Variants in COG6 observed in about 807,000 individuals in gnomAD.
COG6 encodes component of oligomeric golgi complex 6, also known as conserved oligomeric Golgi complex subunit 6.
In COG6, 74 loss-of-function variants were observed where a neutral mutation model predicts 88.8. The ratio of observed to expected loss-of-function variants is 0.83; its 90% CI spans 0.69 to 1.01. The LOEUF is 1.01. Among genes scored for constraint, COG6 ranks in the 50% least tolerant of loss-of-function variants. The pLI, the probability that COG6 is intolerant of heterozygous loss-of-function variation, is 0.00. For missense variants in COG6, 800 were observed against 797.9 expected, an observed-to-expected ratio of 1.00 and a Z score of -0.03; for synonymous variants, 286 against 278.7, an observed-to-expected ratio of 1.03 and a Z score of -0.26.
intron 18 of COG6, among the ~76,000 whole-genome samples, chr13:39,785,879 G>A (rs1377778814): frequency 6.6e-6 from 1 of 152,122 alleles, no homozygotes; most frequent in African/African-American, 2.4e-5. Context: ...TTGGAGGATG[G>A]AGGATTTTCC....
intron 13 of COG6, among the ~76,000 whole-genome samples, chr13:39,717,805 T>C (rs899845584): frequency 1.3e-5 from 2 of 152,126 alleles, no homozygotes; most frequent in Non-Finnish European, 2.9e-5. Context: ...TGCAGTGAGC[T>C]GTGATTGCAC....
In COG6 at chr13:39,751,890, TG is replaced by T. The variant is rs1212842171; in HGVS notation, c.*800del. 1 of 1,280,372 alleles carries T rather than the reference TG, an allele frequency of 7.8e-7. No individual in the cohort carries two copies. Among genetic ancestry groups the T allele is most frequent in the Admixed American group, 2.3e-5 (1 of 43,522 alleles). The allele number at this position is 1,280,372 out of a possible 1,614,324, so 79.3% of individuals were successfully genotyped here. ...TGTGTCTAAGCCTGGTGTTTAAAGA[TG>T]GGTATTTGTCATACAATATGGGTCC... On this transcript the variant is annotated 3_prime_UTR_variant, in exon 19 of 19. Transcript: ENST00000455146.
chr13:39,751,612 A>G lies in COG6; in HGVS notation c.*519A>G. ...TGCCCTTAAAGAGTTGTTAGCAGAG[A>G]GAAAAATAACAGTGAATGTGCTCCT... On this transcript the variant is annotated 3_prime_UTR_variant, in exon 19 of 19. Transcript: ENST00000455146. 1 of 1,287,176 alleles carries G rather than the reference A, an allele frequency of 7.8e-7. No homozygotes were observed. The highest frequency in any genetic ancestry group is 1.0e-6 in the Non-Finnish European group (1 of 988,672). The allele number at this position is 1,287,176 out of a possible 1,614,324, so 79.7% of individuals were successfully genotyped here.
At chr13:39,719,994 A>AACACACAC (rs58617808) in intron 15 of COG6, among the ~76,000 whole-genome samples, 167 bp downstream of exon 15, 351 of 147,854 alleles carry the variant, frequency 2.4e-3, no homozygotes, top group African/African-American at 4.8e-3. Context: ...GCACATACAC[A>AACACACAC]ACACACACAC....
chr13:39,668,056 A>G (rs546340858), intron 4 of COG6, among the ~76,000 whole-genome samples: 2 of 152,246 alleles, frequency 1.3e-5, no homozygotes, highest in East Asian at 3.9e-4. Flanking sequence ...GTTAGGTGTC[A>G]TTGGAGCCAT....
rs542360378 is a variant in COG6, at chr13:39,675,889, A to C, written c.429-1579A>C. 2.0e-5 allele frequency among the ~76,000 whole-genome samples: 3 copies of C among 152,124 alleles called. No individual in the cohort carries two copies. In the South Asian group the frequency reaches 6.2e-4, roughly 32 times the overall value. On this transcript the variant is annotated intron_variant, in intron 4 of 18. Transcript: ENST00000455146. ...GGAACTTTTAAAAATATAAAACAAA[A>C]CCTGTTAAGGTAACTCTTTAAGCTT...
chr13:39,734,965 A>C (rs780987161), intron 18 of COG6, among the ~76,000 whole-genome samples: 2 of 150,768 alleles, frequency 1.3e-5, no homozygotes, highest in South Asian at 2.1e-4. Context: ...ATCTTTTTCT[A>C]TCTCTCTTTT....
At chr13:39,756,003 A>G (rs1880823280), downstream of COG6, among the ~76,000 whole-genome samples, 1 of 152,248 alleles carries the variant, frequency 6.6e-6, no homozygotes, top group African/African-American at 2.4e-5. Flanking sequence ...GATTTCCAAC[A>G]GATAGCCCAG....
At chr13:39,681,426 T>C (rs1876308203) in intron 7 of COG6, among the ~76,000 whole-genome samples, 3 of 152,194 alleles carry the variant, frequency 2.0e-5, no homozygotes, top group Non-Finnish European at 4.4e-5. Context: ...TTGACTCAAA[T>C]TTTTTTGTGC....
rs560028668 is a variant in COG6, at chr13:39,696,745, T to G, written c.1166+2020T>G. 9.1e-4 allele frequency among the ~76,000 whole-genome samples: 138 copies of G among 151,356 alleles called. 1 individual carries two copies. Among genetic ancestry groups the G allele is most frequent in the African/African-American group, 3.0e-3 (125 of 41,282 alleles). Reference sequence around the variant, plus strand: ...TTGGGGAAAATGTGAGGGTTTTGAGTGACCTGAGCAGATTTGTGTTATAAG... The same window carrying G: ...TTGGGGAAAATGTGAGGGTTTTGAGGGACCTGAGCAGATTTGTGTTATAAG... On this transcript the variant is annotated intron_variant, in intron 12 of 18. Coordinates refer to ENST00000455146, the MANE Select transcript of COG6 (RefSeq NM_020751.3).
chr13:39,781,019 A>G (rs1181933774), intron 18 of COG6, among the ~76,000 whole-genome samples: 1 of 152,236 alleles, frequency 6.6e-6, no homozygotes, highest in Non-Finnish European at 1.5e-5. Flanking sequence ...CCATTGAGTT[A>G]TATCAACGGT....
downstream of COG6, among the ~76,000 whole-genome samples, chr13:39,757,026 C>T (rs923971309): frequency 2.0e-5 from 3 of 152,200 alleles, no homozygotes; most frequent in Admixed American, 1.3e-4. Context: ...CCAACAACAA[C>T]AGAATACACA....
rs1402204463 is a variant in COG6, at chr13:39,751,987, G to GA, written c.*901dup. The GA allele has an allele frequency of 3.2e-6, 4 of 1,239,938 alleles. No homozygotes were observed. The highest frequency in any genetic ancestry group is 3.2e-6 in the Non-Finnish European group (3 of 945,798). The allele number at this position is 1,239,938 out of a possible 1,614,324, so 76.8% of individuals were successfully genotyped here. On this transcript the variant is annotated 3_prime_UTR_variant, in exon 19 of 19. Transcript: ENST00000455146. ...AACAATGATCTACTCAAACATTGGAGAAAAAAACTGCCAGAGGAGGAGTTG... is the reference window on the plus strand; with the variant it reads ...AACAATGATCTACTCAAACATTGGAGAAAAAAAACTGCCAGAGGAGGAGTTG...
In COG6 at chr13:39,750,955, C is replaced by T. The variant is rs998494134; in HGVS notation, c.1836C>T (p.Ile612=). Residue 612 remains isoleucine (I), a synonymous_variant, in exon 19 of 19, where the codon ATC becomes ATT. Coordinates refer to ENST00000455146, the MANE Select transcript of COG6 (RefSeq NM_020751.3). ...GTTTGCTTATCAATAGAGAGCAGAT[C>T]GTAAAACAATCTACAGAATTAGTCT... ...FLLSATVKEQ[I]VKQSTELVCR... is the part of the protein sequence containing the mutation. 9 of 1,612,388 alleles carry T rather than the reference C, an allele frequency of 5.6e-6. No homozygotes were observed. The East Asian group carries it at 6.7e-5, about 12-fold the overall frequency.
At chr13:39,783,771 T>C (rs1447409421) in intron 18 of COG6, among the ~76,000 whole-genome samples, 2 of 152,182 alleles carry the variant, frequency 1.3e-5, no homozygotes, top group Non-Finnish European at 2.9e-5. Context: ...CTGAACATCA[T>C]TTATCTATAG....
intron 15 of COG6, among the ~76,000 whole-genome samples, chr13:39,720,148 C>T (rs968459679): frequency 7.2e-5 from 11 of 151,994 alleles, no homozygotes; most frequent in Admixed American, 7.2e-4. Context: ...AACAGTTAGT[C>T]TGTATGTGGA....
intron 5 of COG6, chr13:39,679,314 T>G (rs1010718937): frequency 1.1e-5 from 6 of 531,710 alleles, no homozygotes; most frequent in African/African-American, 1.9e-5. Flanking sequence ...GTCAACACTA[T>G]TTGGCACATA....
chr13:39,657,737 A>G (rs1200691691), intron 1 of COG6, among the ~76,000 whole-genome samples: 1 of 152,204 alleles, frequency 6.6e-6, no homozygotes, highest in Non-Finnish European at 1.5e-5. Context: ...AATTTAGTGT[A>G]CAATGGGGAT....
chr13:39,784,432 G>A (rs935234264), intron 18 of COG6, among the ~76,000 whole-genome samples: 1 of 152,184 alleles, frequency 6.6e-6, no homozygotes, highest in South Asian at 2.1e-4. Flanking sequence ...ACTAGTATTT[G>A]CTGAACAGTG....
Sources: allele counts gnomAD v4.1 joint callset (sites outside exome capture counted in the v4.1 genomes callset), GRCh38; gene constraint gnomAD v4.1.1; transcripts MANE v1.5; gene names NCBI Gene and HGNC (gene_info 2026-07-23, HGNC 2026-07-21).